Variants in TAFA1 observed in about 807,000 individuals in gnomAD.
The protein encoded by TAFA1 is chemokine-like protein TAFA-1.
TAFA1 carries 4 observed loss-of-function variants against 18.5 expected under a neutral mutation model. The observed-to-expected ratio is 0.22, with a 90% CI of 0.11 to 0.49. The LOEUF is 0.49. Ranked by LOEUF, TAFA1 falls within the 20% of genes least tolerant of loss-of-function variation. The probability of loss-of-function intolerance (pLI) is 0.98; values close to 1 mark genes in which losing one functional copy is unlikely to be tolerated. For synonymous variants in TAFA1, 56 were observed against 55.2 expected (o/e 1.01, Z -0.06); for missense variants, 147 against 169.0 (o/e 0.87, Z 0.72).
At chr3:68,200,593 A>G (rs947403462) in intron 2 of TAFA1, among the ~76,000 whole-genome samples, 4 of 151,584 alleles carry the variant, frequency 2.6e-5, no homozygotes, top group Admixed American at 2.0e-4. Context: ...GGTCCGTTTC[A>G]TCTGTTATTA....
intron 3 of TAFA1, among the ~76,000 whole-genome samples, chr3:68,506,671 A>C (rs2072763268): frequency 6.6e-6 from 1 of 152,142 alleles, no homozygotes; most frequent in South Asian, 2.1e-4. Context: ...TAGCTGCTCT[A>C]GCATTGAGAA....
At chr3:68,412,609 G>A in intron 2 of TAFA1, among the ~76,000 whole-genome samples, 1 of 152,096 alleles carries the variant, frequency 6.6e-6, no homozygotes, top group South Asian at 2.1e-4. Flanking sequence ...TCTCACCTAT[G>A]AGTGAGAACA....
intron 2 of TAFA1, among the ~76,000 whole-genome samples, chr3:68,149,191 C>G (rs1159817324): frequency 6.6e-6 from 1 of 152,126 alleles, no homozygotes; most frequent in African/African-American, 2.4e-5. Flanking sequence ...TAAATTTTCC[C>G]TAAGTGCTTA....
chr3:68,280,991 T>A lies in TAFA1; in HGVS notation c.119-136289T>A, dbSNP rs929142403. On this transcript the variant is annotated intron_variant, in intron 2 of 4. Transcript: ENST00000478136. ...TTTTAGAGAATTAAATGAGATAATA[T>A]TTAATAAACAGTATTTATAATAGTG... Among the ~76,000 whole-genome samples the A allele has an allele frequency of 2.0e-5, 3 of 152,306 alleles. No individual in the cohort carries two copies. The East Asian group carries it at 5.8e-4, about 29-fold the overall frequency.
chr3:68,372,845 T>C (rs944950222), intron 2 of TAFA1, among the ~76,000 whole-genome samples: 1 of 151,964 alleles, frequency 6.6e-6, no homozygotes, highest in Non-Finnish European at 1.5e-5. Context: ...ATAGCCCCAA[T>C]AAGAAGCTAA....
chr3:68,134,068 A>G (rs1386044381), intron 2 of TAFA1, among the ~76,000 whole-genome samples: 3 of 80,870 alleles, frequency 3.7e-5, no homozygotes, highest in African/African-American at 6.1e-5. Context: ...TGACAACTGG[A>G]AAAAAAAAAA....
chr3:68,156,015 C>T (rs937380453), intron 2 of TAFA1, among the ~76,000 whole-genome samples: 2 of 152,048 alleles, frequency 1.3e-5, no homozygotes, highest in Admixed American at 6.6e-5. Context: ...CTTCAAGTAC[C>T]AGGTGGTCCA....
chr3:68,069,661 C>G lies in TAFA1; in HGVS notation c.118+62917C>G, dbSNP rs148189917. Among the ~76,000 whole-genome samples, 17 of 152,304 alleles carry G rather than the reference C, an allele frequency of 1.1e-4. No individual in the cohort carries two copies. In the East Asian group the frequency reaches 3.1e-3, roughly 28 times the overall value. On this transcript the variant is annotated intron_variant, in intron 2 of 4. Transcript: ENST00000478136. ...AAGTCTCATCTGAGACAAGGCAAGT[C>G]CCTTCTGCCTATGAGCCTGTAAAAT...
intron 2 of TAFA1, among the ~76,000 whole-genome samples, chr3:68,050,314 CTT>C (rs2064452765): frequency 1.3e-5 from 2 of 152,130 alleles, no homozygotes; most frequent in African/African-American, 4.8e-5. Flanking sequence ...CCCTCAGACT[CTT>C]TGAAGGCTGC....
intron 3 of TAFA1, among the ~76,000 whole-genome samples, chr3:68,420,469 C>T (rs1391389143): frequency 6.6e-6 from 1 of 152,104 alleles, no homozygotes; most frequent in Non-Finnish European, 1.5e-5. Flanking sequence ...ACCCTCCTGC[C>T]CAGGCCTACC....
chr3:68,150,910 G>A (rs563013784), intron 2 of TAFA1, among the ~76,000 whole-genome samples: 1 of 152,198 alleles, frequency 6.6e-6, no homozygotes, highest in African/African-American at 2.4e-5. Flanking sequence ...TTTATTAAGA[G>A]TGTTGCACAG....
intron 2 of TAFA1, among the ~76,000 whole-genome samples, chr3:68,248,075 A>G (rs1291332028): frequency 6.6e-6 from 1 of 152,208 alleles, no homozygotes; most frequent in Non-Finnish European, 1.5e-5. Context: ...CTGTTGGGGG[A>G]AAATTCTCAT....
chr3:68,222,447 C>A (rs2066742578), intron 2 of TAFA1, among the ~76,000 whole-genome samples: 1 of 152,108 alleles, frequency 6.6e-6, no homozygotes, highest in African/African-American at 2.4e-5. Context: ...CTTCATATAT[C>A]CCCCTCCTCT....
intron 2 of TAFA1, among the ~76,000 whole-genome samples, chr3:68,092,118 CA>C (rs2065036922): frequency 6.6e-6 from 1 of 152,130 alleles, no homozygotes; most frequent in African/African-American, 2.4e-5. Flanking sequence ...ACCTCAGTCC[CA>C]ATGGCATCAG....
chr3:68,270,760 G>T (rs1490199521), intron 2 of TAFA1, among the ~76,000 whole-genome samples: 1 of 152,102 alleles, frequency 6.6e-6, no homozygotes, highest in Admixed American at 6.6e-5. Flanking sequence ...TGCCTGACTG[G>T]CCCACTGGCA....
intron 2 of TAFA1, among the ~76,000 whole-genome samples, chr3:68,360,845 A>T (rs778546182): frequency 7.2e-5 from 11 of 152,062 alleles, no homozygotes; most frequent in Non-Finnish European, 1.5e-4. Context: ...TACTCTAATG[A>T]AAACTAGAAG....
chr3:68,055,930 T>C (rs964287438), intron 2 of TAFA1, among the ~76,000 whole-genome samples: 1 of 152,162 alleles, frequency 6.6e-6, no homozygotes, highest in Non-Finnish European at 1.5e-5. Context: ...CTTTAAATGA[T>C]GCCGGAGAGG....
At chr3:68,408,241 C>T (rs951094214) in intron 2 of TAFA1, among the ~76,000 whole-genome samples, 15 of 152,196 alleles carry the variant, frequency 9.9e-5, no homozygotes, top group African/African-American at 3.6e-4. Flanking sequence ...TATTCATTTT[C>T]TCCAAAAGTT....
intron 2 of TAFA1, among the ~76,000 whole-genome samples, chr3:68,213,660 C>T (rs1012503033): frequency 1.3e-5 from 2 of 152,050 alleles, no homozygotes; most frequent in African/African-American, 4.8e-5. Flanking sequence ...CAGGAAGATG[C>T]ACACCTTACG....
Sources: allele counts gnomAD v4.1 joint callset (sites outside exome capture counted in the v4.1 genomes callset), GRCh38; gene constraint gnomAD v4.1.1; transcripts MANE v1.5; gene names NCBI Gene and HGNC (gene_info 2026-07-23, HGNC 2026-07-21).